The following FANCL variants were observed in gnomAD, a reference collection of about 807,000 sequenced individuals.
The protein encoded by FANCL is FA complementation group L.
Under a neutral mutation model 59.4 loss-of-function variants are expected in FANCL, and 69 were observed. The ratio of observed to expected loss-of-function variants is 1.16; its 90% CI spans 0.96 to 1.42. The LOEUF is 1.42. FANCL is among the 40% of genes most tolerant of loss of function. The pLI is 0.00. For synonymous variants in FANCL, 180 were observed against 147.1 expected (o/e 1.22, Z -1.62); for missense variants, 519 against 447.2 (o/e 1.16, Z -1.45).
At chr2:58,220,829 C>T (rs1191883476) in intron 5 of FANCL, among the ~76,000 whole-genome samples, 5 of 152,116 alleles carry the variant, frequency 3.3e-5, no homozygotes, top group Non-Finnish European at 5.9e-5. Context: ...CCACATTGTA[C>T]CTAAGTTAGC....
At chr2:58,215,794 T>C (rs766231526) in intron 5 of FANCL, among the ~76,000 whole-genome samples, 86 of 151,242 alleles carry the variant, frequency 5.7e-4, no homozygotes, top group Admixed American at 1.2e-3. Flanking sequence ...TGGGGAAAGG[T>C]AGGCCCAGAA....
chr2:58,161,226 T>C (rs980146088), intron 12 of FANCL, among the ~76,000 whole-genome samples: 8 of 152,026 alleles, frequency 5.3e-5, no homozygotes, highest in Admixed American at 2.0e-4. Flanking sequence ...AAGGAATTTA[T>C]AGAAAGATTC....
At chr2:58,191,360 T>C (rs1688900966) in intron 7 of FANCL, among the ~76,000 whole-genome samples, 1 of 151,878 alleles carries the variant, frequency 6.6e-6, no homozygotes, top group African/African-American at 2.4e-5. Flanking sequence ...TTAGGACACC[T>C]GCTATATAAG....
At chr2:58,162,539 C>G (rs1685349904) in intron 11 of FANCL, among the ~76,000 whole-genome samples, 1 of 151,656 alleles carries the variant, frequency 6.6e-6, no homozygotes, top group Admixed American at 6.6e-5. Flanking sequence ...ACAGTACTGA[C>G]AAGATGCAGA....
rs951872855 is a variant in FANCL, at chr2:58,185,169, T to TA, written c.540+13424dup. Among the ~76,000 whole-genome samples the TA allele has an allele frequency of 1.0e-4, 15 of 150,478 alleles. No individual in the cohort carries two copies. In the South Asian group the frequency reaches 1.3e-3, roughly 13 times the overall value. On this transcript the variant is annotated intron_variant, in intron 7 of 13. Transcript: ENST00000233741. ...GGTGAAAAATCAAAGGTCAGAAGAATAAAAAAAAAGAATTAATCTTAAGGA... is the reference window on the plus strand; with the variant it reads ...GGTGAAAAATCAAAGGTCAGAAGAATAAAAAAAAAAGAATTAATCTTAAGGA...
chr2:58,175,618 A>G (rs1191013658), intron 7 of FANCL, among the ~76,000 whole-genome samples: 1 of 152,196 alleles, frequency 6.6e-6, no homozygotes, highest in African/African-American at 2.4e-5. Context: ...TAAATTAGGT[A>G]TTGATGGGAC....
At chr2:58,169,223 C>A (rs1038856157) in intron 7 of FANCL, among the ~76,000 whole-genome samples, 29 of 152,190 alleles carry the variant, frequency 1.9e-4, no homozygotes, top group African/African-American at 6.3e-4. Context: ...GCAGCAAAAT[C>A]TTTGCTGTTC....
In FANCL at chr2:58,237,601, A is replaced by G. The variant is rs547786494; in HGVS notation, c.96+3617T>C. 2.0e-4 allele frequency among the ~76,000 whole-genome samples: 30 copies of G among 152,252 alleles called. No individual in the cohort carries two copies. The South Asian group carries it at 5.0e-3, about 25-fold the overall frequency. On this transcript the variant is annotated intron_variant, in intron 1 of 13. Transcript: ENST00000233741. ...ATAGAAACATAAAAATAATAGAAAAAAATTGAAGAAATTAAAGACAGGTTC... is the reference window on the plus strand; with the variant it reads ...ATAGAAACATAAAAATAATAGAAAAGAATTGAAGAAATTAAAGACAGGTTC...
In FANCL at chr2:58,203,324, A is replaced by G. The variant is rs570669373; in HGVS notation, c.471+806T>C. The stretch of plus-strand genomic sequence containing the variant: ...TGTGGAAAGCTTAAATGCCAGACAC[A>G]TTTTTAAAAAGGACAAACACAATTG... On this transcript the variant is annotated intron_variant, in intron 6 of 13. Transcript: ENST00000233741. Among the ~76,000 whole-genome samples, 12 of 151,894 alleles carry G rather than the reference A, an allele frequency of 7.9e-5. No homozygotes were observed. The South Asian group carries it at 2.3e-3, about 29-fold the overall frequency.
chr2:58,180,682 T>C (rs1434542409), intron 7 of FANCL, among the ~76,000 whole-genome samples: 2 of 152,078 alleles, frequency 1.3e-5, no homozygotes, highest in Non-Finnish European at 2.9e-5. Context: ...GTTCTGCACA[T>C]GTATACCAGA....
Position 58,162,862 on chromosome 2 carries a change from T to C in FANCL, c.903+4A>G. ...TGGAATATCAAAACACTGATAAAAC[T>C]TACAGATTTTTCCAGGATAGCACGA... On this transcript the variant is annotated splice_donor_region_variant and intron_variant, in intron 11 of 13. Transcript: ENST00000233741. 6.2e-7 allele frequency: 1 copy of C among 1,609,454 alleles called. No individual in the cohort carries two copies. Among genetic ancestry groups the C allele is most frequent in the Non-Finnish European group, 8.5e-7 (1 of 1,176,556 alleles).
At chr2:58,232,347 A>C (rs761175143) in intron 1 of FANCL, among the ~76,000 whole-genome samples, 1 of 152,134 alleles carries the variant, frequency 6.6e-6, no homozygotes, top group Non-Finnish European at 1.5e-5. Flanking sequence ...AAACACTCAG[A>C]TAAGACTTTG....
At chr2:58,162,264 T>C (rs557722733) in intron 11 of FANCL, among the ~76,000 whole-genome samples, 4 of 152,056 alleles carry the variant, frequency 2.6e-5, no homozygotes, top group African/African-American at 9.6e-5. Flanking sequence ...CTATTCAATT[T>C]TGAGAAACTA....
intron 5 of FANCL, among the ~76,000 whole-genome samples, chr2:58,221,185 C>T (rs936842567): frequency 1.3e-5 from 2 of 149,782 alleles, no homozygotes; most frequent in South Asian, 2.1e-4. Context: ...GAGACTCGGT[C>T]TCAAAAAAAA....
In FANCL at chr2:58,202,520, G is replaced by GT. The variant is rs935437096; in HGVS notation, c.471+1609dup. On this transcript the variant is annotated intron_variant, in intron 6 of 13. Coordinates refer to ENST00000233741, the MANE Select transcript of FANCL (RefSeq NM_018062.4). Reference sequence around the variant, plus strand: ...TACATGCTTTTGTTTTTCCAAAACAGTTTTTTTTTTCTTTTTTTGCCAAAT... The same window carrying GT: ...TACATGCTTTTGTTTTTCCAAAACAGTTTTTTTTTTTCTTTTTTTGCCAAAT... 1.4e-3 allele frequency among the ~76,000 whole-genome samples: 208 copies of GT among 148,056 alleles called. 1 individual carries two copies. Among genetic ancestry groups the GT allele is most frequent in the African/African-American group, 3.9e-3 (159 of 40,650 alleles).
chr2:58,177,128 A>G (rs1303548063), intron 7 of FANCL, among the ~76,000 whole-genome samples: 1 of 152,208 alleles, frequency 6.6e-6, no homozygotes, highest in East Asian at 1.9e-4. Flanking sequence ...AAGTCAGGAA[A>G]CAACAGGTGC....
At chr2:58,241,333 C>CA (rs1694534273), upstream of FANCL, 1 of 1,612,604 alleles carries the variant, frequency 6.2e-7, no homozygotes, top group Non-Finnish European at 8.5e-7. Flanking sequence ...TCCGGAGAAA[C>CA]ACAGAAAAGC....
chr2:58,198,461 A>C, intron 7 of FANCL, 133 bp downstream of exon 7: 1 of 680,622 alleles, frequency 1.5e-6, no homozygotes, highest in Non-Finnish European at 2.6e-6. Context: ...CCATTTATAT[A>C]AGAGATTTGG....
In FANCL at chr2:58,229,820, T is replaced by C; in HGVS notation, c.210A>G (p.Val70=). The C allele has an allele frequency of 1.9e-6, 3 of 1,607,568 alleles. No homozygotes were observed. The highest frequency in any genetic ancestry group is 1.1e-5 in the South Asian group (1 of 90,944). ...RTILSGYHRI[V]QQRMQHSPDL... ...CCTTTTAAAAAGGACTTACCTGTTG[T>C]ACTATTCGATGGTATCCACTAAGTA... The change falls in exon 3 of 14, where the codon GTA becomes GTG. Residue 70 remains valine, a synonymous_variant. Transcript: ENST00000233741.
Sources: gnomAD v4.1 joint callset for allele counts (sites outside exome capture counted in the v4.1 genomes callset) on GRCh38, gnomAD v4.1.1 for gene constraint, MANE v1.5 for transcripts, NCBI Gene and HGNC (gene_info 2026-07-23, HGNC 2026-07-21) for gene names.